The following LENG1 variants were observed in gnomAD, a reference collection of about 807,000 sequenced individuals.
The protein encoded by LENG1 is leukocyte receptor cluster (LRC) member 1.
A neutral mutation model predicts 28.8 loss-of-function variants in LENG1; 35 were observed. The observed-to-expected ratio is 1.22, with a 90% CI of 0.93 to 1.61. The LOEUF is 1.61. LENG1 is among the 40% of genes most tolerant of loss of function. LENG1 has a pLI of 0.00. For synonymous variants in LENG1, 170 were observed against 140.6 expected (o/e 1.21, Z -1.48); for missense variants, 404 against 348.9 (o/e 1.16, Z -1.26).
chr19:54,159,099 C>A (rs182985005), intron 1 of LENG1, among the ~76,000 whole-genome samples: 30 of 152,354 alleles, frequency 2.0e-4, no homozygotes, highest in African/African-American at 7.2e-4. Flanking sequence ...CTTCCCCTCA[C>A]TGAAGCCATC....
chr19:54,158,004 G>A (rs73613034), intron 2 of LENG1, among the ~76,000 whole-genome samples: 1,846 of 152,322 alleles, frequency 0.012, 34 homozygotes, highest in African/African-American at 0.041. Context: ...GCCACAGCCG[G>A]CTGATTTAAA....
At chr19:54,156,698 C>A in intron 3 of LENG1, 65 bp downstream of exon 3, 1 of 1,504,384 alleles carries the variant, frequency 6.6e-7, no homozygotes, top group Non-Finnish European at 9.0e-7. Flanking sequence ...CTGCAGTGCC[C>A]ATGCTGGGCT....
rs1244746634 is a variant in LENG1, at chr19:54,156,994, G to C, written c.344C>G (p.Thr115Arg). The change falls in exon 3 of 4, where the codon ACA becomes AGA. Residue 115 changes from threonine (T) to arginine (R), a missense_variant. Thr to Arg is a moderately conservative substitution (Grantham distance 71). Transcript: ENST00000222224. ...ERQEKALGIL[T>R]YLGQSAAEAQ... ...CTCCGCTGCACTCTGGCCCAGGTAT[G>C]TCAGGATGCCCAGAGCTTTCTCTTG... 8.9e-6 allele frequency: 14 copies of C among 1,572,838 alleles called. No individual in the cohort carries two copies. The highest frequency in any genetic ancestry group is 1.2e-5 in the Non-Finnish European group (14 of 1,158,072).
At chr19:54,159,536 G>A in intron 1 of LENG1, 28 bp downstream of exon 1, 1 of 1,514,396 alleles carries the variant, frequency 6.6e-7, no homozygotes, top group Non-Finnish European at 8.8e-7. Context: ...GGGCCCCGGA[G>A]CGCCGCCCTG....
chr19:54,158,306 G>C lies in LENG1; in HGVS notation c.288C>G (p.Tyr96Ter), dbSNP rs369292918. The stretch of plus-strand genomic sequence containing the variant: ...CTTTCTCCTGTCGCTTTTCTTCCTT[G>C]TACTCTTTATTGCCTCTGATCACTC... ...GKGVIRGNKE[Y>*]KEEKRQEKER... Residue 96 changes from tyrosine to a stop codon, truncating the protein, a stop_gained, in exon 2 of 4, where the codon TAC (tyrosine) becomes TAG (stop). Coordinates refer to ENST00000222224, the MANE Select transcript of LENG1 (RefSeq NM_024316.3). LOFTEE classifies it high-confidence loss of function. The C allele has an allele frequency of 1.2e-6, 2 of 1,613,616 alleles. No homozygotes were observed. Among genetic ancestry groups the C allele is most frequent in the Admixed American group, 1.7e-5 (1 of 59,974 alleles).
Position 54,155,555 on chromosome 19 carries a change from CCT to C in LENG1, c.*164_*165del. 3 of 927,606 alleles carry C rather than the reference CCT, an allele frequency of 3.2e-6. No homozygotes were observed. Among genetic ancestry groups the C allele is most frequent in the Admixed American group, 2.8e-5 (1 of 36,042 alleles). 57.5% of individuals were successfully genotyped at this position (927,606 alleles called of 1,614,324 possible). On this transcript the variant is annotated 3_prime_UTR_variant, in exon 4 of 4. Transcript: ENST00000222224. ...AGCAGGGAGGGGGCCGGGAGGTTTTCCTCTCAGCCCCACCCTGGGGGCCCGGG... is the reference window on the plus strand; with the variant it reads ...AGCAGGGAGGGGGCCGGGAGGTTTTCCTCAGCCCCACCCTGGGGGCCCGGG...
chr19:54,155,947 GGA>G lies in LENG1; in HGVS notation c.576-9_576-8del. The G allele has an allele frequency of 1.2e-6, 2 of 1,600,798 alleles. No homozygotes were observed. The highest frequency in any genetic ancestry group is 1.3e-5 in the African/African-American group (1 of 74,902). On this transcript the variant is annotated splice_polypyrimidine_tract_variant and splice_region_variant and intron_variant, in intron 3 of 3. Transcript: ENST00000222224. The stretch of plus-strand genomic sequence containing the variant: ...CTGGTCCAGGGATGGAGGCCTGTGG[GGA>G]GAGGAGTGAGGTCAGAAAGCTGGTA...
intron 2 of LENG1, among the ~76,000 whole-genome samples, chr19:54,157,541 G>T (rs532915049): frequency 5.3e-5 from 8 of 151,850 alleles, no homozygotes; most frequent in African/African-American, 1.7e-4. Flanking sequence ...GCTAATTTTT[G>T]TATTTTTAGT....
In LENG1 at chr19:54,158,401, C is replaced by T. The variant is rs141419748; in HGVS notation, c.193G>A (p.Ala65Thr). 2 of 1,614,220 alleles carry T rather than the reference C, an allele frequency of 1.2e-6. No homozygotes were observed. Among genetic ancestry groups the T allele is most frequent in the African/African-American group, 1.3e-5 (1 of 75,058 alleles). ...GAACCTGGGGCTCCCGCCTCTGCTG[C>T]TTCAAGCTCAGGCAGTGAGTTCTGA... ...RHQNSLPELE[A>T]AEAGAPGSGP... Residue 65 changes from alanine (A) to threonine (T), a missense_variant, in exon 2 of 4, where the codon GCA (alanine) becomes ACA (threonine). Transcript: ENST00000222224.
Position 54,155,227 on chromosome 19 carries a change from A to ATT in LENG1, c.*492_*493dup. The ATT allele has an allele frequency of 6.4e-7, 1 of 1,563,200 alleles. No individual in the cohort carries two copies. The highest frequency in any genetic ancestry group is 1.4e-5 in the African/African-American group (1 of 73,560). ...GCCTGACACATCCACAGCCCTAAGAATTGTCCCCTTTGTCTGTTGGTCCGG... is the reference window on the plus strand; with the variant it reads ...GCCTGACACATCCACAGCCCTAAGAATTTTGTCCCCTTTGTCTGTTGGTCCGG... On this transcript the variant is annotated 3_prime_UTR_variant, in exon 4 of 4. Coordinates refer to ENST00000222224, the MANE Select transcript of LENG1 (RefSeq NM_024316.3).
chr19:54,158,753 A>G (rs1163583778), intron 1 of LENG1, among the ~76,000 whole-genome samples: 1 of 152,202 alleles, frequency 6.6e-6, no homozygotes, highest in Non-Finnish European at 1.5e-5. Context: ...GAGACAATTA[A>G]AACAGCCATA....
In LENG1 at chr19:54,158,367, A is replaced by G; in HGVS notation, c.227T>C (p.Val76Ala). The G allele has an allele frequency of 6.2e-7, 1 of 1,614,130 alleles. No homozygotes were observed. The highest frequency in any genetic ancestry group is 8.5e-7 in the Non-Finnish European group (1 of 1,179,998). The change falls in exon 2 of 4, where the codon GTG (valine) becomes GCG (alanine). Residue 76 changes from valine (V) to alanine (A), a missense_variant. Coordinates refer to ENST00000222224, the MANE Select transcript of LENG1 (RefSeq NM_024316.3). The stretch of plus-strand genomic sequence containing the variant: ...CTCCAGCAGCTCCCGAAACAGGTCC[A>G]CAGGGCCAGAACCTGGGGCTCCCGC... ...AEAGAPGSGP[V>A]DLFRELLEEG...
chr19:54,158,477 T>TAGGC lies in LENG1; in HGVS notation c.133-20_133-17dup. The TAGGC allele has an allele frequency of 1.2e-6, 2 of 1,607,162 alleles. No individual in the cohort carries two copies. On this transcript the variant is annotated splice_polypyrimidine_tract_variant and intron_variant, in intron 1 of 3. Coordinates refer to ENST00000222224, the MANE Select transcript of LENG1 (RefSeq NM_024316.3). ...CTGTACGGGCCTGGGGAGAAAGTTA[T>TAGGC]AGGCAGGACATTCAGAACCTAGAGG...
chr19:54,155,416 C>T lies in LENG1; in HGVS notation c.*305G>A, dbSNP rs759780623. The T allele has an allele frequency of 2.8e-5, 44 of 1,555,898 alleles. No individual in the cohort carries two copies. Among genetic ancestry groups the T allele is most frequent in the Non-Finnish European group, 3.8e-5 (43 of 1,138,750 alleles). On this transcript the variant is annotated 3_prime_UTR_variant, in exon 4 of 4. Coordinates refer to ENST00000222224, the MANE Select transcript of LENG1 (RefSeq NM_024316.3). ...ACCGGGACCTCCAGTGACACCGGCC[C>T]CTCCCTCTACCCACCCCCTTCCCCC...
rs2075392686 is a variant in LENG1 at position 54,156,652 on chromosome 19, C to T, written c.575+111G>A. ...AGAACCACTTCTCCACCTAGCCAGC[C>T]CTTCACGGAGTCCCTGGCTGTCCTG... On this transcript the variant is annotated intron_variant, in intron 3 of 3. Transcript: ENST00000222224. The T allele has an allele frequency of 2.6e-6, 3 of 1,158,028 alleles. No individual in the cohort carries two copies. The South Asian group carries it at 5.0e-5, about 19-fold the overall frequency. The allele number at this position is 1,158,028 out of a possible 1,614,324, so 71.7% of individuals were successfully genotyped here.
At chr19:54,157,520 C>A (rs924968763) in intron 2 of LENG1, among the ~76,000 whole-genome samples, 5 of 152,126 alleles carry the variant, frequency 3.3e-5, no homozygotes, top group African/African-American at 1.2e-4. Context: ...AGGCACACAC[C>A]ACCATGCCCA....
At chr19:54,158,540 A>T (rs1416337381) in intron 1 of LENG1, 79 bp from the exon 2 acceptor site, 1 of 1,394,588 alleles carries the variant, frequency 7.2e-7, no homozygotes, top group African/African-American at 1.4e-5. Context: ...CACCACAGAA[A>T]ATGGCAGTCC....
Position 54,155,515 on chromosome 19 carries a change from C to T in LENG1, c.*206G>A. On this transcript the variant is annotated 3_prime_UTR_variant, in exon 4 of 4. Coordinates refer to ENST00000222224, the MANE Select transcript of LENG1 (RefSeq NM_024316.3). ...AGGGAGGCCCCAAGCCACGGGGCATCCCCCTCTCCCAGGAAGCAGGGAGGG... is the reference window on the plus strand; with the variant it reads ...AGGGAGGCCCCAAGCCACGGGGCATTCCCCTCTCCCAGGAAGCAGGGAGGG... 1 of 925,536 alleles carries T rather than the reference C, an allele frequency of 1.1e-6. No homozygotes were observed. The highest frequency in any genetic ancestry group is 1.6e-6 in the Non-Finnish European group (1 of 621,196). 57.3% of individuals were successfully genotyped at this position (925,536 alleles called of 1,614,324 possible). A position where few individuals can be genotyped will look rare whatever the true frequency, so the allele number is the denominator to read the frequency against.
chr19:54,156,753 G>GTCT lies in LENG1; in HGVS notation c.575+7_575+9dup. 1.2e-6 allele frequency: 2 copies of GTCT among 1,603,816 alleles called. No homozygotes were observed. Among genetic ancestry groups the GTCT allele is most frequent in the Non-Finnish European group, 1.7e-6 (2 of 1,173,706 alleles). On this transcript the variant is annotated intron_variant, in intron 3 of 3. Coordinates refer to ENST00000222224, the MANE Select transcript of LENG1 (RefSeq NM_024316.3). ...CTGGGCCCTGGTCTGCCGAGGTGGG[G>GTCT]TCTTCTTACTCCTTGGGTCGCTGCT... is the stretch of plus-strand genomic sequence containing the variant.
Sources: gnomAD v4.1 joint callset for allele counts (sites outside exome capture counted in the v4.1 genomes callset) on GRCh38, gnomAD v4.1.1 for gene constraint, MANE v1.5 for transcripts, NCBI Gene and HGNC (gene_info 2026-07-23, HGNC 2026-07-21) for gene names.